PDZD8: variants seen among roughly 807,000 people sequenced by gnomAD.
PDZD8 encodes PDZ domain containing 8.
Under a neutral mutation model 85.8 loss-of-function variants are expected in PDZD8, and 14 were observed. The observed-to-expected ratio is 0.16, with a 90% CI of 0.11 to 0.26. PDZD8 has a LOEUF of 0.26. PDZD8 is among the 10% of genes least tolerant of loss of function. PDZD8 has a pLI of 1.00. For synonymous variants in PDZD8, 592 were observed against 568.6 expected, an observed-to-expected ratio of 1.04 and a Z score of -0.59; for missense variants, 1,197 against 1,424.3, an observed-to-expected ratio of 0.84 and a Z score of 2.57.
chr10:117,355,846 T>C (rs1047739509), intron 1 of PDZD8, among the ~76,000 whole-genome samples: 16 of 152,214 alleles, frequency 1.1e-4, no homozygotes, highest in Non-Finnish European at 2.4e-4. Context: ...TAAAATGGCA[T>C]ACTTTTAATT....
At chr10:117,363,950 A>G (rs536465350) in intron 1 of PDZD8, among the ~76,000 whole-genome samples, 1 of 152,310 alleles carries the variant, frequency 6.6e-6, no homozygotes, top group Non-Finnish European at 1.5e-5. Flanking sequence ...TTGTTATTCT[A>G]TATCAATCCA....
At chr10:117,332,253 A>C (rs1844430514) in intron 2 of PDZD8, among the ~76,000 whole-genome samples, 1 of 152,140 alleles carries the variant, frequency 6.6e-6, no homozygotes, top group Non-Finnish European at 1.5e-5. Flanking sequence ...TAAATGTCTT[A>C]TGCCTGAGCT....
intron 3 of PDZD8, among the ~76,000 whole-genome samples, chr10:117,292,602 T>C (rs2133768024): frequency 6.6e-6 from 1 of 151,960 alleles, no homozygotes; most frequent in South Asian, 2.1e-4. Flanking sequence ...TTATTTACTC[T>C]GCTTTTAAAA....
intron 1 of PDZD8, among the ~76,000 whole-genome samples, chr10:117,347,114 G>C (rs1390539863): frequency 1.3e-5 from 2 of 151,486 alleles, no homozygotes; most frequent in African/African-American, 4.9e-5. Flanking sequence ...CCAAGACCAA[G>C]AACCAGGGTA....
chr10:117,297,805 A>G (rs1192902457), intron 3 of PDZD8, among the ~76,000 whole-genome samples: 2 of 152,170 alleles, frequency 1.3e-5, no homozygotes, highest in Admixed American at 1.3e-4. Context: ...ATGATTGTAT[A>G]CAATTACCAA....
At chr10:117,299,172 T>G (rs1843804468) in intron 3 of PDZD8, among the ~76,000 whole-genome samples, 2 of 152,206 alleles carry the variant, frequency 1.3e-5, no homozygotes, top group South Asian at 2.1e-4. Context: ...AAAATCTTTA[T>G]AAATGGTGAA....
rs747469566 is a variant in PDZD8 at position 117,283,863 on chromosome 10, G to A, written c.2870C>T (p.Ser957Phe). 2 of 1,614,064 alleles carry A rather than the reference G, an allele frequency of 1.2e-6. No homozygotes were observed. Among genetic ancestry groups the A allele is most frequent in the African/African-American group, 1.3e-5 (1 of 74,920 alleles). ...TTCTACGAGATCGGTTCCTGGTTCA[G>A]AAAGGCGAGTTTTAGAGACTTGACG... is the stretch of plus-strand genomic sequence containing the variant. ...NLRQVSKTRL[S>F]EPGTDLVEPS... The change falls in exon 5 of 5, where the codon TCT (serine) becomes TTT (phenylalanine). Residue 957 changes from serine to phenylalanine, a missense_variant. By Grantham distance (155) the Ser-to-Phe change is radical. Transcript: ENST00000334464.
chr10:117,299,760 T>C (rs1313534405), intron 3 of PDZD8, among the ~76,000 whole-genome samples: 1 of 152,170 alleles, frequency 6.6e-6, no homozygotes, highest in Non-Finnish European at 1.5e-5. Flanking sequence ...TTTTCACCTT[T>C]CTTTGGTATT....
At chr10:117,306,299 T>A (rs1282095673) in intron 3 of PDZD8, among the ~76,000 whole-genome samples, 1 of 152,208 alleles carries the variant, frequency 6.6e-6, no homozygotes, top group African/African-American at 2.4e-5. Flanking sequence ...AAAATGATCC[T>A]CTGCTCAGGT....
At position 117,289,696 on chromosome 10, in the gene PDZD8, G is replaced by C. The variant is rs551128229; in HGVS notation, c.1261+490C>G. ...ATACTAACAAATGGCTGGCCATTTA[G>C]ATGACACAGGATCACAGGACAGTTC... is the stretch of plus-strand genomic sequence containing the variant. On this transcript the variant is annotated intron_variant, in intron 4 of 4. Coordinates refer to ENST00000334464, the MANE Select transcript of PDZD8 (RefSeq NM_173791.5). Among the ~76,000 whole-genome samples, 3 of 152,310 alleles carry C rather than the reference G, an allele frequency of 2.0e-5. No individual in the cohort carries two copies. In the East Asian group the frequency reaches 5.8e-4, roughly 29 times the overall value.
intron 2 of PDZD8, among the ~76,000 whole-genome samples, chr10:117,336,676 C>A (rs187088243): frequency 7.3e-4 from 111 of 151,790 alleles, no homozygotes; most frequent in Admixed American, 1.9e-3. Flanking sequence ...ATATCACACA[C>A]AGGATCCATC....
intron 3 of PDZD8, among the ~76,000 whole-genome samples, chr10:117,310,901 G>C (rs757419541): frequency 1.3e-5 from 2 of 152,092 alleles, no homozygotes; most frequent in African/African-American, 4.8e-5. Flanking sequence ...CTGGCCTAAC[G>C]TATTTGTAAG....
At chr10:117,323,296 T>C (rs1284570005) in intron 2 of PDZD8, among the ~76,000 whole-genome samples, 2 of 152,094 alleles carry the variant, frequency 1.3e-5, no homozygotes, top group Non-Finnish European at 1.5e-5. Context: ...AAAAAGCTAA[T>C]GAAAAGCTAA....
intron 3 of PDZD8, among the ~76,000 whole-genome samples, chr10:117,293,693 C>A (rs1843706271): frequency 1.3e-5 from 2 of 152,110 alleles, no homozygotes; most frequent in African/African-American, 4.8e-5. Context: ...AGTGGAGGCA[C>A]AGGCAACCTC....
At chr10:117,345,170 A>T (rs1245059996) in intron 1 of PDZD8, among the ~76,000 whole-genome samples, 1 of 152,214 alleles carries the variant, frequency 6.6e-6, no homozygotes, top group African/African-American at 2.4e-5. Context: ...CAAAGGAATT[A>T]ATTTCATTTA....
chr10:117,368,759 A>G (rs79582889), intron 1 of PDZD8, among the ~76,000 whole-genome samples: 2,831 of 152,004 alleles, frequency 0.019, 39 homozygotes, highest in Middle Eastern at 0.058. Context: ...TCTACTTACC[A>G]TCACTACATG....
At chr10:117,325,600 G>A (rs2532787) in intron 2 of PDZD8, among the ~76,000 whole-genome samples, 115,106 of 150,894 alleles carry the variant, frequency 0.76, 44,645 homozygotes, top group Non-Finnish European at 0.85. Context: ...ATGGGGTTCC[G>A]CCATATTGGC....
At chr10:117,322,033 C>A (rs1844234232) in intron 2 of PDZD8, among the ~76,000 whole-genome samples, 1 of 152,160 alleles carries the variant, frequency 6.6e-6, no homozygotes, top group African/African-American at 2.4e-5. Flanking sequence ...ACAAATACCA[C>A]AGAAAAAGTT....
chr10:117,285,078 A>G lies in PDZD8; in HGVS notation c.1655T>C (p.Leu552Pro), dbSNP rs774399226. ...ATCTTTGGACTGAATTTTCGGTGGT[A>G]GTGGGTGACTTCCTACAGCTAATTT... ...NRKLAVGSHP[L>P]PPKIQSKDGN... The change falls in exon 5 of 5, where the codon CTA becomes CCA. Residue 552 changes from leucine (L) to proline (P), a missense_variant. This residue lies in a region of PDZD8 where 263 missense variants were observed against 261.9 expected (regional missense o/e 1.00). Transcript: ENST00000334464. 3 of 1,613,716 alleles carry G rather than the reference A, an allele frequency of 1.9e-6. No homozygotes were observed. In the African/African-American group the frequency reaches 4.0e-5, roughly 22 times the overall value.
Sources: allele counts gnomAD v4.1 joint callset (sites outside exome capture counted in the v4.1 genomes callset), GRCh38; gene constraint gnomAD v4.1.1; regional missense constraint gnomAD v4.1.1; transcripts MANE v1.5; gene names NCBI Gene and HGNC (gene_info 2026-07-23, HGNC 2026-07-21).